TRPM7: variants seen among roughly 807,000 people sequenced by gnomAD.
TRPM7 encodes the protein LTRPC ion channel family member 7.
In TRPM7, 134 loss-of-function variants were observed where a neutral mutation model predicts 229.7. The observed-to-expected ratio is 0.58, with a 90% confidence interval of 0.51 to 0.67. The LOEUF (loss-of-function observed/expected upper bound fraction) is 0.67. Ranked by LOEUF, TRPM7 falls within the 30% of genes least tolerant of loss-of-function variation. TRPM7 has a pLI of 0.00. For missense variants in TRPM7, 1,901 were observed against 2,210.0 expected (o/e 0.86, Z 2.80); for synonymous variants, 699 against 715.2 (o/e 0.98, Z 0.36).
chr15:50,593,150 G>A (rs2059547917), intron 25 of TRPM7, among the ~76,000 whole-genome samples: 1 of 152,036 alleles, frequency 6.6e-6, no homozygotes, highest in South Asian at 2.1e-4. Context: ...TCAGCTGGGT[G>A]TGGTGGTGCA....
chr15:50,613,395 G>A (rs964142933), intron 15 of TRPM7, among the ~76,000 whole-genome samples: 4 of 151,366 alleles, frequency 2.6e-5, no homozygotes, highest in Middle Eastern at 3.4e-3. Flanking sequence ...TCAGCTACTC[G>A]GGAGGCTGAG....
chr15:50,636,227 C>T (rs2060903036), intron 7 of TRPM7, among the ~76,000 whole-genome samples: 1 of 148,684 alleles, frequency 6.7e-6, no homozygotes, highest in Admixed American at 6.8e-5. Context: ...GCTCTGTCAA[C>T]CAGGCTGAAA....
intron 6 of TRPM7, among the ~76,000 whole-genome samples, 198 bp from the exon 7 acceptor site, chr15:50,637,791 C>A (rs1166518756): frequency 6.6e-6 from 1 of 152,186 alleles, no homozygotes; most frequent in African/African-American, 2.4e-5. Context: ...TGGGTTGAAA[C>A]ACATGATTAT....
intron 26 of TRPM7, among the ~76,000 whole-genome samples, chr15:50,590,071 T>C (rs934491987): frequency 2.0e-5 from 3 of 152,150 alleles, no homozygotes; most frequent in African/African-American, 7.2e-5. Context: ...TTAGCCAGGC[T>C]GGTCTTGAAC....
intron 29 of TRPM7, among the ~76,000 whole-genome samples, chr15:50,582,796 GA>G (rs2140310888): frequency 6.6e-6 from 1 of 152,214 alleles, no homozygotes; most frequent in African/African-American, 2.4e-5. Flanking sequence ...CTTTTAAAGG[GA>G]ATTTGCAAAA....
intron 7 of TRPM7, among the ~76,000 whole-genome samples, chr15:50,636,671 G>A (rs2060916762): frequency 6.6e-6 from 1 of 152,014 alleles, no homozygotes; most frequent in South Asian, 2.1e-4. Context: ...GACATGGTTG[G>A]AAAGAAAAAT....
At chr15:50,633,079 C>T in intron 8 of TRPM7, 87 bp from the exon 9 acceptor site, 1 of 1,227,442 alleles carries the variant, frequency 8.1e-7, no homozygotes, top group Non-Finnish European at 1.1e-6. Context: ...CATGTAAGAC[C>T]TTTGAAAATA....
Position 50,596,391 on chromosome 15 carries a change from G to GA in TRPM7, c.3164-11dup. 5 of 1,551,782 alleles carry GA rather than the reference G, an allele frequency of 3.2e-6. No individual in the cohort carries two copies. In the South Asian group the frequency reaches 3.7e-5, roughly 11 times the overall value. On this transcript the variant is annotated splice_polypyrimidine_tract_variant and intron_variant, in intron 22 of 38. Transcript: ENST00000646667. ...GAATCATTTGCACACACTTTAGAGA[G>GA]AAAAAAAGAAAAAAACAAAAACAAC...
At chr15:50,610,711 TTAAG>T (rs1157277622) in intron 17 of TRPM7, among the ~76,000 whole-genome samples, 7 of 152,158 alleles carry the variant, frequency 4.6e-5, no homozygotes, top group African/African-American at 1.7e-4. Flanking sequence ...CCAATATACT[TTAAG>T]TAACTTAAAA....
chr15:50,564,755 C>T (rs2053516538), intron 38 of TRPM7, among the ~76,000 whole-genome samples: 1 of 151,868 alleles, frequency 6.6e-6, no homozygotes, highest in Non-Finnish European at 1.5e-5. Flanking sequence ...AAGAAACAGC[C>T]TATATTAAAC....
At position 50,643,464 on chromosome 15, in the gene TRPM7, G is replaced by A. The variant is rs751791368; in HGVS notation, c.411C>T (p.Ile137=). 1 of 1,614,150 alleles carries A rather than the reference G, an allele frequency of 6.2e-7. No homozygotes were observed. Among genetic ancestry groups the A allele is most frequent in the Non-Finnish European group, 8.5e-7 (1 of 1,180,024 alleles). Residue 137 remains isoleucine, a synonymous_variant, in exon 5 of 39, where the codon ATC becomes ATT. Transcript: ENST00000646667. ...EWQMELPKLV[I]SVHGGMQKFE... is the part of the protein sequence containing the mutation. ...ATTTCTGCATGCCCCCATGTACAGA[G>A]ATAACAAGTTTGGGTAACTCCATTT...
chr15:50,593,072 C>T (rs1198429744), intron 25 of TRPM7, among the ~76,000 whole-genome samples: 6 of 152,024 alleles, frequency 3.9e-5, no homozygotes, highest in Non-Finnish European at 7.4e-5. Context: ...GGGCAGATCA[C>T]GAGGTCAGGA....
chr15:50,562,853 T>C (rs576618814), intron 38 of TRPM7, among the ~76,000 whole-genome samples: 2 of 151,538 alleles, frequency 1.3e-5, no homozygotes, highest in Non-Finnish European at 2.9e-5. Context: ...TATAGGGTGA[T>C]TGTTTCAAAC....
At chr15:50,652,328 C>CAAAAAAAAAAAAAAAA (rs34122648) in intron 3 of TRPM7, among the ~76,000 whole-genome samples, 2 of 34,230 alleles carry the variant, frequency 5.8e-5, no homozygotes, top group Non-Finnish European at 4.7e-5. Context: ...GACTCCATCT[C>CAAAAAAAAAAAAAAAA]AAAAAAAAAA....
chr15:50,592,543 T>C lies in TRPM7; in HGVS notation c.3692A>G (p.Gln1231Arg). Residue 1231 changes from glutamine to arginine, a missense_variant, in exon 26 of 39, where the codon CAA (glutamine) becomes CGA (arginine). By Grantham distance (43) the Gln-to-Arg change is conservative. Transcript: ENST00000646667. Reference sequence around the variant, plus strand: ...TGAAAGATCTTGCAAATGGCCAATTTGAGAATCTAATGATTGTAATGATCT... The same window carrying C: ...TGAAAGATCTTGCAAATGGCCAATTCGAGAATCTAATGATTGTAATGATCT... ...IKRSLQSLDS[Q>R]IGHLQDLSAL... 2 of 1,612,890 alleles carry C rather than the reference T, an allele frequency of 1.2e-6. No homozygotes were observed. The highest frequency in any genetic ancestry group is 2.2e-5 in the East Asian group (1 of 44,868).
chr15:50,584,529 A>C (rs2054591815), intron 28 of TRPM7, among the ~76,000 whole-genome samples: 1 of 151,970 alleles, frequency 6.6e-6, no homozygotes, highest in Non-Finnish European at 1.5e-5. Flanking sequence ...AAACTGAAAT[A>C]TGAGGATGCT....
intron 38 of TRPM7, 37 bp from the exon 39 acceptor site, chr15:50,561,845 G>A (rs2053326619): frequency 5.9e-6 from 8 of 1,353,170 alleles, no homozygotes; most frequent in East Asian, 2.6e-5. Context: ...AAAAAAAAAA[G>A]AAAGAGAAAA....
chr15:50,637,403 A>G lies in TRPM7; in HGVS notation c.832+19T>C. 1 of 1,605,710 alleles carries G rather than the reference A, an allele frequency of 6.2e-7. No individual in the cohort carries two copies. The highest frequency in any genetic ancestry group is 1.1e-5 in the South Asian group (1 of 89,760). The stretch of plus-strand genomic sequence containing the variant: ...GCCCAGGACAATTTCAACAATAACA[A>G]ATTTGTGAATTCACTTACTAGCATG... On this transcript the variant is annotated intron_variant, in intron 7 of 38. Transcript: ENST00000646667.
intron 38 of TRPM7, among the ~76,000 whole-genome samples, 165 bp downstream of exon 38, chr15:50,569,720 AAC>A (rs2053778202): frequency 1.3e-5 from 2 of 152,246 alleles, no homozygotes; most frequent in Admixed American, 1.3e-4. Flanking sequence ...AAAGAAGGAA[AAC>A]ACAGATTCAT....
Sources: allele counts gnomAD v4.1 joint callset (sites outside exome capture counted in the v4.1 genomes callset), GRCh38; gene constraint gnomAD v4.1.1; transcripts MANE v1.5; gene names NCBI Gene and HGNC (gene_info 2026-07-23, HGNC 2026-07-21).